The following VGLL4 variants were observed in gnomAD, a reference collection of about 807,000 sequenced individuals.
The protein encoded by VGLL4 is vestigial like family member 4.
VGLL4 carries 7 observed loss-of-function variants against 21.0 expected under a neutral mutation model. That is an observed-to-expected ratio of 0.33 (90% CI 0.19 to 0.63). VGLL4 has a LOEUF of 0.63. Among genes scored for constraint, VGLL4 ranks in the 20% least tolerant of loss-of-function variants. The pLI is 0.78. For synonymous variants in VGLL4, 222 were observed against 173.2 expected (o/e 1.28, Z -2.21); for missense variants, 394 against 425.7 (o/e 0.93, Z 0.66).
chr3:11,677,413 G>A (rs1250373178), intron 2 of VGLL4, among the ~76,000 whole-genome samples: 1 of 151,944 alleles, frequency 6.6e-6, no homozygotes, highest in Non-Finnish European at 1.5e-5. Context: ...GGAACTACAG[G>A]CAAGTGCCAC....
chr3:11,646,417 G>T (rs6792587), upstream of VGLL4, among the ~76,000 whole-genome samples: 1 of 152,154 alleles, frequency 6.6e-6, no homozygotes. Context: ...TTAGAACCAG[G>T]GGGGAGCTTT....
At chr3:11,645,712 G>C (rs11128565), upstream of VGLL4, among the ~76,000 whole-genome samples, 87,437 of 151,274 alleles carry the variant, frequency 0.58, 25,428 homozygotes, top group African/African-American at 0.6. Context: ...TGGCTCACGC[G>C]TGTAATCCCA....
At position 11,565,133 on chromosome 3, in the gene VGLL4, CGT is replaced by C. The variant is rs1384996362; in HGVS notation, c.273-116_273-115del. 9.2e-7 allele frequency: 1 copy of C among 1,087,192 alleles called. No homozygotes were observed. The highest frequency in any genetic ancestry group is 1.2e-6 in the Non-Finnish European group (1 of 822,818). 67.3% of individuals were successfully genotyped at this position (1,087,192 alleles called of 1,614,324 possible). On this transcript the variant is annotated intron_variant, in intron 2 of 4. Coordinates refer to ENST00000430365, the MANE Select transcript of VGLL4 (RefSeq NM_001128219.3). This position sits in a 1 kb window ranked among gnomAD's most constrained non-coding sequence, Gnocchi z 4.1. ...TAATTTTTTACCCTGAAGCTCAGGTCGTGTGGCTGGGCAGCACGATGAGGAGC... is the reference window on the plus strand; with the variant it reads ...TAATTTTTTACCCTGAAGCTCAGGTCGTGGCTGGGCAGCACGATGAGGAGC...
At chr3:11,659,673 A>C (rs2125353105) in intron 2 of VGLL4, among the ~76,000 whole-genome samples, 1 of 152,246 alleles carries the variant, frequency 6.6e-6, no homozygotes, top group Non-Finnish European at 1.5e-5. Flanking sequence ...TTTCATAAAA[A>C]AAGTGGCATT....
chr3:11,718,511 A>G (rs987583198), intron 1 of VGLL4, among the ~76,000 whole-genome samples: 77 of 152,328 alleles, frequency 5.1e-4, no homozygotes, highest in Middle Eastern at 3.4e-3. Context: ...AATGAACAGT[A>G]CAAGTCCGTG....
intron 2 of VGLL4, chr3:11,671,312 A>C: frequency 6.4e-7 from 1 of 1,555,842 alleles, no homozygotes; most frequent in Non-Finnish European, 8.8e-7. Flanking sequence ...GGACTCAGGG[A>C]TTTTGTCAAA....
chr3:11,559,202 CAAG>C, intron 4 of VGLL4, 127 bp downstream of exon 4: 1 of 1,409,606 alleles, frequency 7.1e-7, no homozygotes, highest in Non-Finnish European at 9.3e-7. Flanking sequence ...TGGACGTGCT[CAAG>C]AAATACTTTT....
chr3:11,579,522 CT>C (rs1447806018), intron 2 of VGLL4, among the ~76,000 whole-genome samples: 1 of 152,222 alleles, frequency 6.6e-6, no homozygotes, highest in African/African-American at 2.4e-5. Flanking sequence ...ATGCAACCCC[CT>C]GGCTATAAAA....
chr3:11,615,099 G>C (rs1158436001), intron 1 of VGLL4, among the ~76,000 whole-genome samples: 1 of 152,100 alleles, frequency 6.6e-6, no homozygotes, highest in Non-Finnish European at 1.5e-5. Context: ...TAAGAACAGG[G>C]ACATTCTCCT....
intron 2 of VGLL4, among the ~76,000 whole-genome samples, chr3:11,596,014 G>T (rs1255200661): frequency 6.6e-6 from 1 of 151,862 alleles, no homozygotes; most frequent in Non-Finnish European, 1.5e-5. Context: ...TAAAAAAAAA[G>T]AAAGAAGGGG....
At chr3:11,604,478 T>C (rs2074886763) in intron 1 of VGLL4, 1 of 957,290 alleles carries the variant, frequency 1.0e-6, no homozygotes, top group Non-Finnish European at 1.2e-6. Context: ...CGTTCAGTTA[T>C]GTGCCTTTAT....
At chr3:11,658,738 T>G (rs2125351603) in intron 2 of VGLL4, among the ~76,000 whole-genome samples, 1 of 152,110 alleles carries the variant, frequency 6.6e-6, no homozygotes, top group African/African-American at 2.4e-5. Flanking sequence ...TAGTTAATAT[T>G]GAACAAAAAG....
In VGLL4 at chr3:11,558,627, G is replaced by T. The variant is rs377034464; in HGVS notation, c.820C>A (p.Arg274Ser). The T allele has an allele frequency of 5.3e-4, 855 of 1,609,204 alleles. 12 individuals carry two copies. In the South Asian group the frequency reaches 8.8e-3, roughly 17 times the overall value. Residue 274 changes from arginine (R) to serine (S), a missense_variant, in exon 5 of 5, where the codon CGC becomes AGC. Arg to Ser is a moderately radical substitution (Grantham distance 110). Transcript: ENST00000430365. ...GAGGGGCTGGCGGGCTGGCCCCTGC[G>T]AGAGGCGGACTCAGGGCTGCTGGAT... ...GASSSPESAS[R>S]RGQPASPSAH...
chr3:11,713,057 G>C (rs920620496), intron 1 of VGLL4, among the ~76,000 whole-genome samples: 1 of 152,146 alleles, frequency 6.6e-6, no homozygotes, highest in African/African-American at 2.4e-5. Context: ...CCACAGAGGA[G>C]TCAAGCTAAA....
At chr3:11,578,379 C>G (rs754338589) in intron 2 of VGLL4, among the ~76,000 whole-genome samples, 2 of 152,138 alleles carry the variant, frequency 1.3e-5, no homozygotes, top group South Asian at 4.1e-4. Context: ...TCCTCCTCCC[C>G]ACACACCGGA....
intron 3 of VGLL4, among the ~76,000 whole-genome samples, chr3:11,562,048 C>T (rs144631530): frequency 0.048 from 7,234 of 152,072 alleles, 461 homozygotes; most frequent in African/African-American, 0.15. Context: ...CAGGCACCCA[C>T]CACCACGCCT....
At chr3:11,643,395 C>T in intron 1 of VGLL4, 42 bp downstream of exon 1, 4 of 1,613,656 alleles carry the variant, frequency 2.5e-6, no homozygotes, top group Non-Finnish European at 3.4e-6. Context: ...GAGGAGTGGC[C>T]GGGACGAGCA....
rs184653674 is a variant in VGLL4 at position 11,667,670 on chromosome 3, A to C, written c.64+35301T>G. 8.5e-4 allele frequency among the ~76,000 whole-genome samples: 130 copies of C among 152,228 alleles called. No individual in the cohort carries two copies. In the South Asian group the frequency reaches 0.012, roughly 14 times the overall value. On this transcript the variant is annotated intron_variant, in intron 2 of 5. Transcript: ENST00000273038. ...TGTAGAAGACCATGGAAAGCGACCA[A>C]ACATCAAAGCCATCTCATTACAAAT... is the stretch of plus-strand genomic sequence containing the variant.
chr3:11,620,285 C>T (rs1253702500), intron 1 of VGLL4, among the ~76,000 whole-genome samples: 1 of 152,166 alleles, frequency 6.6e-6, no homozygotes, highest in Non-Finnish European at 1.5e-5. Flanking sequence ...ATGTTTCCAA[C>T]TCCTATACCA....
Sources: allele counts gnomAD v4.1 joint callset (sites outside exome capture counted in the v4.1 genomes callset), GRCh38; gene constraint gnomAD v4.1.1; non-coding constraint Gnocchi (gnomAD v3.1); transcripts MANE v1.5; gene names NCBI Gene and HGNC (gene_info 2026-07-23, HGNC 2026-07-21).